Variants in TVP23C observed in about 807,000 individuals in gnomAD.
TVP23C encodes Golgi apparatus membrane protein TVP23 homolog C.
TVP23C carries 19 observed loss-of-function variants against 28.7 expected under a neutral mutation model. That is an observed-to-expected ratio of 0.66 (90% CI 0.46 to 0.97). TVP23C has a LOEUF of 0.97. Among genes scored for constraint, TVP23C ranks in the 50% least tolerant of loss-of-function variants. The pLI, the probability that TVP23C is intolerant of heterozygous loss-of-function variation, is 0.00. For missense variants in TVP23C, 186 were observed against 241.3 expected (o/e 0.77, Z 1.52); for synonymous variants, 68 against 81.7 (o/e 0.83, Z 0.90).
intron 4 of TVP23C, 76 bp downstream of exon 4, chr17:15,546,983 T>A (rs1983672601): frequency 2.4e-6 from 3 of 1,261,038 alleles, no homozygotes; most frequent in Non-Finnish European, 3.3e-6. Flanking sequence ...TCTGAATACT[T>A]CATCTTCCAG....
chr17:15,518,316 CTA>C (rs1982321666), intron 5 of TVP23C, among the ~76,000 whole-genome samples: 1 of 152,158 alleles, frequency 6.6e-6, no homozygotes, highest in Non-Finnish European at 1.5e-5. Flanking sequence ...AAACTCTACC[CTA>C]TATGGTTGCA....
intron 1 of TVP23C, among the ~76,000 whole-genome samples, chr17:15,559,061 A>G (rs1984261827): frequency 6.8e-6 from 1 of 147,808 alleles, no homozygotes; most frequent in Admixed American, 6.9e-5. Flanking sequence ...CCCGGGCTCA[A>G]GCAATTCTCC....
At chr17:15,517,575 T>C (rs1294044796) in intron 5 of TVP23C, among the ~76,000 whole-genome samples, 1 of 152,208 alleles carries the variant, frequency 6.6e-6, no homozygotes, top group African/African-American at 2.4e-5. Flanking sequence ...TTAATATATG[T>C]AGAGGGCTTG....
chr17:15,529,529 TTTTTTAAGTGCATATTTG>T (rs1322415986), intron 5 of TVP23C, among the ~76,000 whole-genome samples: 18 of 152,294 alleles, frequency 1.2e-4, no homozygotes, highest in Non-Finnish European at 1.5e-5. Context: ...TGTTGTGGGA[TTTTTTAAGTGCATATTTG>T]TTTTTAAGTG....
At chr17:15,523,060 AG>A (rs1982549559) in intron 5 of TVP23C, among the ~76,000 whole-genome samples, 1 of 151,776 alleles carries the variant, frequency 6.6e-6, no homozygotes. Flanking sequence ...CCCAGGCTGG[AG>A]TGCAGTGGTG....
In TVP23C at chr17:15,512,336, G is replaced by A. The variant is rs551872716; in HGVS notation, c.463-9104C>T. Among the ~76,000 whole-genome samples, 18 of 152,226 alleles carry A rather than the reference G, an allele frequency of 1.2e-4. No individual in the cohort carries two copies. In the East Asian group the frequency reaches 2.5e-3, roughly 21 times the overall value. Reference sequence around the variant, plus strand: ...TCTTCTTTAATCCAGGCTTTATCTCGTGAGCAAGAAATCATGAGATCTAAA... The same window carrying A: ...TCTTCTTTAATCCAGGCTTTATCTCATGAGCAAGAAATCATGAGATCTAAA... On this transcript the variant is annotated intron_variant, in intron 5 of 5. Transcript: ENST00000225576.
chr17:15,542,771 A>G (rs555502739), intron 5 of TVP23C, among the ~76,000 whole-genome samples: 202 of 151,574 alleles, frequency 1.3e-3, no homozygotes, highest in African/African-American at 2.1e-3. Flanking sequence ...CCACCATGCC[A>G]AGGTCTTAAC....
intron 5 of TVP23C, among the ~76,000 whole-genome samples, chr17:15,524,692 C>T (rs2654411): frequency 6.9e-6 from 1 of 145,364 alleles, no homozygotes; most frequent in African/African-American, 2.7e-5. Context: ...TCAGAAGCAG[C>T]TGCTGGGGTC....
At chr17:15,509,209 G>C (rs1274702722) in intron 5 of TVP23C, among the ~76,000 whole-genome samples, 1 of 152,176 alleles carries the variant, frequency 6.6e-6, no homozygotes, top group Non-Finnish European at 1.5e-5. Context: ...CCTCCAACCA[G>C]AGTAATAAAC....
chr17:15,507,237 G>A, intron 5 of TVP23C: 1 of 736,004 alleles, frequency 1.4e-6, no homozygotes. Flanking sequence ...TGGGAAGCAG[G>A]TGGTCTCTGG....
chr17:15,543,120 G>A (rs1335562650), intron 5 of TVP23C, among the ~76,000 whole-genome samples: 4 of 150,814 alleles, frequency 2.7e-5, no homozygotes, highest in Admixed American at 6.6e-5. Context: ...CACTAAGGAA[G>A]AGAACGCAAA....
chr17:15,510,027 C>T (rs903143139), intron 5 of TVP23C, among the ~76,000 whole-genome samples: 3 of 152,176 alleles, frequency 2.0e-5, no homozygotes, highest in African/African-American at 7.2e-5. Flanking sequence ...ACCCTGATTT[C>T]GGAGACGTTG....
rs1379025541 is a variant in TVP23C at position 15,539,520 on chromosome 17, G to A, written c.*892C>T. The A allele has an allele frequency of 2.5e-5, 15 of 598,958 alleles. No homozygotes were observed. The highest frequency in any genetic ancestry group is 2.7e-5 in the Non-Finnish European group (13 of 477,982). The allele number at this position is 598,958 out of a possible 1,614,324, so 37.1% of individuals were successfully genotyped here. A position where few individuals can be genotyped will look rare whatever the true frequency, so the allele number is the denominator to read the frequency against. On this transcript the variant is annotated 3_prime_UTR_variant, in exon 6 of 6. Coordinates refer to ENST00000518321, the MANE Select transcript of TVP23C (RefSeq NM_001135036.2). ...CGGGAGGCTGATGCAGGAGAATGGC[G>A]TGAACCCGGGAGGCGGAGCTTGCAG...
chr17:15,538,527 T>C lies in TVP23C; in HGVS notation c.*1885A>G, dbSNP rs1983260172. 1 of 863,116 alleles carries C rather than the reference T, an allele frequency of 1.2e-6. No homozygotes were observed. 53.5% of individuals were successfully genotyped at this position (863,116 alleles called of 1,614,324 possible). ...ATAGTATGAACCCGGGAGGTGGAGT[T>C]TGCAGTGAGCCGAGATCGCGCCACT... On this transcript the variant is annotated 3_prime_UTR_variant, in exon 6 of 6. Coordinates refer to ENST00000518321, the MANE Select transcript of TVP23C (RefSeq NM_001135036.2).
At chr17:15,559,605 C>T (rs1347393303) in intron 1 of TVP23C, among the ~76,000 whole-genome samples, 1 of 148,528 alleles carries the variant, frequency 6.7e-6, no homozygotes, top group Non-Finnish European at 1.5e-5. Context: ...GAAGGAGGGA[C>T]AAAAGCACAA....
intron 5 of TVP23C, among the ~76,000 whole-genome samples, chr17:15,526,279 C>T (rs1982723164): frequency 6.6e-6 from 1 of 152,084 alleles, no homozygotes; most frequent in South Asian, 2.1e-4. Context: ...CCATTGGCTT[C>T]AAATCTGACA....
chr17:15,513,409 T>C (rs1337683583), intron 5 of TVP23C, among the ~76,000 whole-genome samples: 3 of 152,206 alleles, frequency 2.0e-5, no homozygotes, highest in African/African-American at 4.8e-5. Flanking sequence ...AAAACAGTTA[T>C]CCGTTTTCTT....
chr17:15,544,146 G>A (rs1199239160), intron 5 of TVP23C, among the ~76,000 whole-genome samples: 4 of 151,614 alleles, frequency 2.6e-5, no homozygotes, highest in Non-Finnish European at 1.5e-5. Context: ...AAGATATTCA[G>A]TGAAAGAAAA....
At chr17:15,523,232 T>C (rs1036784364) in intron 5 of TVP23C, among the ~76,000 whole-genome samples, 2 of 151,588 alleles carry the variant, frequency 1.3e-5, no homozygotes, top group Non-Finnish European at 2.9e-5. Context: ...CTCGAATGCC[T>C]GAGCTCAGGC....
Sources: allele counts gnomAD v4.1 joint callset (sites outside exome capture counted in the v4.1 genomes callset), GRCh38; gene constraint gnomAD v4.1.1; transcripts MANE v1.5; gene names NCBI Gene and HGNC (gene_info 2026-07-23, HGNC 2026-07-21).